NHSL2: variants seen among roughly 807,000 people sequenced by gnomAD.
NHSL2 encodes the protein NHS like 2, also known as NHS-like protein 2.
NHSL2 carries 27 observed loss-of-function variants against 53.4 expected under a neutral mutation model. That is an observed-to-expected ratio of 0.51 (90% confidence interval 0.37 to 0.70). The LOEUF is 0.70. NHSL2 is among the 30% of genes least tolerant of loss of function. NHSL2 has a pLI of 0.00. For synonymous variants in NHSL2, 408 were observed against 404.1 expected (o/e 1.01, Z -0.12); for missense variants, 892 against 980.1 (o/e 0.91, Z 1.20).
At chrX:71,973,778 C>T (rs748464885) in intron 1 of NHSL2, among the ~76,000 whole-genome samples, 7 of 111,867 alleles carry the variant, frequency 6.3e-5, no homozygotes, top group African/African-American at 9.8e-5. Context: ...CAAGCTGGGA[C>T]TGGGTGGGAG....
rs776282402 is a variant in NHSL2 at position 72,142,257 on chromosome X, A to C, written c.3249A>C (p.Glu1083Asp). The part of the protein sequence containing the change: ...PLGSSVEPGT[E>D]EKSLISDKTA... ...GGAGTTCTGTGGAACCAGGCACCGA[A>C]GAAAAAAGTTTAATCAGTGATAAAA... Residue 1083 changes from glutamate to aspartate, a missense_variant, in exon 7 of 8, where the codon GAA (glutamate) becomes GAC (aspartate). Physicochemically the swap from Glu to Asp is conservative, Grantham distance 45. Transcript: ENST00000633930. 116 of 1,161,517 alleles carry C rather than the reference A, an allele frequency of 1.0e-4. No individual in the cohort carries two copies. Among genetic ancestry groups the C allele is most frequent in the Non-Finnish European group, 1.2e-4 (103 of 869,377 alleles).
At chrX:72,118,007 A>G (rs2042153963) in intron 1 of NHSL2, among the ~76,000 whole-genome samples, 1 of 110,534 alleles carries the variant, frequency 9.0e-6, no homozygotes, top group South Asian at 3.8e-4. Flanking sequence ...GTGCTGGGCC[A>G]AATGGTAACT....
chrX:71,957,485 C>G (rs1440025673), intron 1 of NHSL2, among the ~76,000 whole-genome samples: 1 of 112,027 alleles, frequency 8.9e-6, no homozygotes, highest in African/African-American at 3.3e-5. Flanking sequence ...CCAGGATGGT[C>G]TCGATCTCCT....
intron 1 of NHSL2, among the ~76,000 whole-genome samples, chrX:71,960,532 C>T (rs905585762): frequency 8.9e-6 from 1 of 112,079 alleles, no homozygotes; most frequent in African/African-American, 3.2e-5. Context: ...TTAGTTCTTA[C>T]GTTTTGGTCT....
intron 1 of NHSL2, among the ~76,000 whole-genome samples, chrX:72,004,364 C>T (rs754962189): frequency 1.9e-4 from 21 of 112,198 alleles, no homozygotes; most frequent in African/African-American, 6.8e-4. Flanking sequence ...CAGGCACACC[C>T]ACACCGTGAG....
intron 1 of NHSL2, among the ~76,000 whole-genome samples, chrX:71,914,776 A>G (rs748498899): frequency 5.4e-5 from 6 of 111,949 alleles, no homozygotes; most frequent in South Asian, 3.8e-4. Context: ...CCAGACTGCA[A>G]TGAGTTTGCC....
rs1569467132 is a variant in NHSL2 at position 71,964,031 on chromosome X, A to ATATATATGTGTGTGTGTG, written c.280+52671_280+52672insGTGTGTGTGTGTATATAT. On this transcript the variant is annotated intron_variant, in intron 1 of 7. Transcript: ENST00000633930. ...TATATGTATATATATATATGTGTATATATATATATATGTATATATATATAT... is the reference window on the plus strand; with the variant it reads ...TATATGTATATATATATATGTGTATATATATATGTGTGTGTGTGTATATATATATGTATATATATATAT... Among the ~76,000 whole-genome samples the ATATATATGTGTGTGTGTG allele has an allele frequency of 3.2e-4, 13 of 40,252 alleles. 2 individuals are homozygous for ATATATATGTGTGTGTGTG. Among genetic ancestry groups the ATATATATGTGTGTGTGTG allele is most frequent in the Admixed American group, 7.2e-4 (2 of 2,783 alleles). The allele number at this position is 40,252 out of a possible 115,157, so 35.0% of individuals were successfully genotyped here.
chrX:72,134,873 G>A (rs776080872), intron 4 of NHSL2, among the ~76,000 whole-genome samples, 169 bp downstream of exon 4: 1 of 112,861 alleles, frequency 8.9e-6, no homozygotes, highest in East Asian at 2.8e-4. Flanking sequence ...TGCAGAAGAG[G>A]GGGCGCTGGC....
intron 1 of NHSL2, among the ~76,000 whole-genome samples, chrX:72,108,178 G>A (rs1216259157): frequency 1.8e-5 from 2 of 111,939 alleles, no homozygotes; most frequent in Admixed American, 9.4e-5. Context: ...AGTAAAAACC[G>A]GGACCCAGTG....
At chrX:72,107,300 CAATA>C (rs1569480713) in intron 1 of NHSL2, among the ~76,000 whole-genome samples, 4 of 110,907 alleles carry the variant, frequency 3.6e-5, no homozygotes, top group Non-Finnish European at 5.7e-5. Context: ...AATAAATAAA[CAATA>C]AATAAATAAT....
At chrX:72,114,852 G>A (rs1234140633) in intron 1 of NHSL2, among the ~76,000 whole-genome samples, 1 of 112,148 alleles carries the variant, frequency 8.9e-6, no homozygotes, top group Non-Finnish European at 1.9e-5. Flanking sequence ...CAAGCCAATA[G>A]GCAGATATGA....
chrX:72,101,775 C>T (rs1289130708), intron 1 of NHSL2, among the ~76,000 whole-genome samples: 2 of 111,420 alleles, frequency 1.8e-5, no homozygotes, highest in Non-Finnish European at 3.8e-5. Context: ...GCTGCCTCCT[C>T]CAGCCCTGCA....
chrX:71,918,011 T>C (rs914894243), intron 1 of NHSL2, among the ~76,000 whole-genome samples: 1 of 111,765 alleles, frequency 8.9e-6, no homozygotes, highest in African/African-American at 3.3e-5. Flanking sequence ...CTGTGGATTT[T>C]CTTTATCTAC....
chrX:71,917,674 A>G (rs2041635483), intron 1 of NHSL2, among the ~76,000 whole-genome samples: 1 of 110,990 alleles, frequency 9.0e-6, no homozygotes, highest in African/African-American at 3.3e-5. Flanking sequence ...GGCTGAGCGA[A>G]GCTTCCAGGA....
intron 1 of NHSL2, among the ~76,000 whole-genome samples, chrX:72,058,357 T>G (rs1045353863): frequency 1.8e-5 from 2 of 111,012 alleles, no homozygotes; most frequent in African/African-American, 6.6e-5. Context: ...TGTTATTAAT[T>G]TTTTTTGAGA....
At chrX:72,115,488 G>A (rs371822367) in intron 1 of NHSL2, among the ~76,000 whole-genome samples, 1 of 107,099 alleles carries the variant, frequency 9.3e-6, no homozygotes, top group East Asian at 3.0e-4. Context: ...AGTTAATCCT[G>A]AGTTAATCTT....
intron 1 of NHSL2, among the ~76,000 whole-genome samples, chrX:72,024,841 A>G (rs914638671): frequency 1.8e-5 from 2 of 112,561 alleles, no homozygotes; most frequent in Non-Finnish European, 3.7e-5. Flanking sequence ...ACATATGACT[A>G]TATTGTAAAT....
chrX:72,088,289 G>A (rs1432316123), intron 1 of NHSL2, among the ~76,000 whole-genome samples: 4 of 112,203 alleles, frequency 3.6e-5, no homozygotes. Context: ...GGTAACCTTT[G>A]TGGCTGCCTT....
intron 1 of NHSL2, among the ~76,000 whole-genome samples, chrX:72,051,569 C>G (rs997615583): frequency 9.0e-6 from 1 of 111,181 alleles, no homozygotes; most frequent in Non-Finnish European, 1.9e-5. Flanking sequence ...TCCTATCCAG[C>G]CCTCCTTCCT....
Sources: gnomAD v4.1 joint callset for allele counts (sites outside exome capture counted in the v4.1 genomes callset) on GRCh38, gnomAD v4.1.1 for gene constraint, MANE v1.5 for transcripts, NCBI Gene and HGNC (gene_info 2026-07-23, HGNC 2026-07-21) for gene names.